PGS1: variants seen among roughly 807,000 people sequenced by gnomAD.
PGS1 encodes CDP-diacylglycerol--glycerol-3-phosphate 3-phosphatidyltransferase, mitochondrial.
Under a neutral mutation model 58.3 loss-of-function variants are expected in PGS1, and 44 were observed. That is an observed-to-expected ratio of 0.75 (90% confidence interval 0.59 to 0.97). The LOEUF (loss-of-function observed/expected upper bound fraction) is 0.97. PGS1 is among the 50% of genes least tolerant of loss of function. The pLI, the probability that PGS1 is intolerant of heterozygous loss-of-function variation, is 0.00. For synonymous variants in PGS1, 330 were observed against 311.0 expected (o/e 1.06, Z -0.64); for missense variants, 684 against 731.1 (o/e 0.94, Z 0.74).
At chr17:78,390,187 C>G (rs1010049324) in intron 1 of PGS1, among the ~76,000 whole-genome samples, 4 of 151,930 alleles carry the variant, frequency 2.6e-5, no homozygotes, top group African/African-American at 9.7e-5. Flanking sequence ...AAGGGTCCTT[C>G]GCTCTCCTCT....
chr17:78,412,305 G>A (rs150165842), intron 7 of PGS1, among the ~76,000 whole-genome samples: 5 of 152,236 alleles, frequency 3.3e-5, no homozygotes, highest in East Asian at 1.9e-4. Flanking sequence ...TAATTCTGGC[G>A]GGGAAGTTGT....
At chr17:78,386,261 G>T (rs1009192259) in intron 1 of PGS1, among the ~76,000 whole-genome samples, 1 of 152,148 alleles carries the variant, frequency 6.6e-6, no homozygotes, top group Non-Finnish European at 1.5e-5. Flanking sequence ...CATTTGTTTT[G>T]GTTGTTGCTG....
At chr17:78,384,891 G>A (rs1254759263) in intron 1 of PGS1, among the ~76,000 whole-genome samples, 1 of 152,240 alleles carries the variant, frequency 6.6e-6, no homozygotes, top group Non-Finnish European at 1.5e-5. Flanking sequence ...TAAAGGTGCA[G>A]TGTAGACCGC....
At chr17:78,405,050 T>C (rs1413250736) in intron 7 of PGS1, among the ~76,000 whole-genome samples, 3 of 151,798 alleles carry the variant, frequency 2.0e-5, no homozygotes, top group African/African-American at 7.3e-5. Flanking sequence ...CAGGCTGGAG[T>C]GCAGTGGCAC....
intron 7 of PGS1, among the ~76,000 whole-genome samples, 190 bp downstream of exon 7, chr17:78,404,279 A>ATT (rs34032688): frequency 1.9e-4 from 23 of 122,642 alleles, no homozygotes; most frequent in African/African-American, 4.7e-4. Context: ...CCTCAAGGGA[A>ATT]TTTTTTTTTT....
At chr17:78,396,142 T>C (rs750055712) in intron 2 of PGS1, among the ~76,000 whole-genome samples, 166 bp from the exon 3 acceptor site, 3 of 152,264 alleles carry the variant, frequency 2.0e-5, no homozygotes, top group Non-Finnish European at 2.9e-5. Flanking sequence ...GGGACCTTAT[T>C]TGGGAGGTTA....
chr17:78,400,702 A>G lies in PGS1; in HGVS notation c.727A>G (p.Thr243Ala). 1 of 1,613,466 alleles carries G rather than the reference A, an allele frequency of 6.2e-7. No homozygotes were observed. Among genetic ancestry groups the G allele is most frequent in the Non-Finnish European group, 8.5e-7 (1 of 1,179,842 alleles). ...SGANLSDSYF[T>A]NRQDRYVFLQ... The stretch of plus-strand genomic sequence containing the variant: ...TGCAAACCTGAGTGACTCCTACTTC[A>G]CCAACCGCCAGGACCGCTACGTGTT... Residue 243 changes from threonine to alanine, a missense_variant, in exon 6 of 10, where the codon ACC becomes GCC. Physicochemically the swap from Thr to Ala is moderately conservative, Grantham distance 58. Coordinates refer to ENST00000262764, the MANE Select transcript of PGS1 (RefSeq NM_024419.5). The surrounding 1 kb of genome is among the most constrained non-coding windows in gnomAD (Gnocchi z 4.4).
chr17:78,389,217 C>T (rs1182227027), intron 1 of PGS1, among the ~76,000 whole-genome samples: 6 of 150,952 alleles, frequency 4.0e-5, no homozygotes, highest in Admixed American at 2.0e-4. Flanking sequence ...GACGGAGTGT[C>T]GCTCTGTTGC....
chr17:78,412,944 AAG>A (rs1198250310), intron 7 of PGS1, among the ~76,000 whole-genome samples: 1 of 148,536 alleles, frequency 6.7e-6, no homozygotes, highest in African/African-American at 2.6e-5. Context: ...TGCTCTGGGG[AAG>A]AGGGGGTGGG....
intron 8 of PGS1, among the ~76,000 whole-genome samples, chr17:78,417,698 G>A (rs2085313924): frequency 6.6e-6 from 1 of 151,978 alleles, no homozygotes. Context: ...TGCTTCTGTG[G>A]TCATCACCTG....
chr17:78,384,290 C>T (rs957061219), intron 1 of PGS1, among the ~76,000 whole-genome samples: 2 of 152,106 alleles, frequency 1.3e-5, no homozygotes, highest in Admixed American at 6.6e-5. Context: ...TTCCCTTACT[C>T]GGGGTTAGGT....
At chr17:78,388,197 G>C (rs62075742) in intron 1 of PGS1, among the ~76,000 whole-genome samples, 27,938 of 152,172 alleles carry the variant, frequency 0.18, 3,455 homozygotes, top group African/African-American at 0.36. Flanking sequence ...TTCCCAGTGA[G>C]AGCTGCCTGG....
In PGS1 at chr17:78,414,992, A is replaced by T; in HGVS notation, c.1516A>T (p.Thr506Ser). 6.2e-7 allele frequency: 1 copy of T among 1,613,428 alleles called. No individual in the cohort carries two copies. Among genetic ancestry groups the T allele is most frequent in the Middle Eastern group, 1.8e-4 (1 of 5,480 alleles). The change falls in exon 8 of 10, where the codon ACG (threonine) becomes TCG (serine). Residue 506 changes from threonine (T) to serine (S), a missense_variant. By Grantham distance (58) the Thr-to-Ser change is moderately conservative. Coordinates refer to ENST00000262764, the MANE Select transcript of PGS1 (RefSeq NM_024419.5). ...CCTGGAGGCCCAGATTGCGATCGTGACGGAGAACCAGGCCCTGCAGCAGCA... is the reference window on the plus strand; with the variant it reads ...CCTGGAGGCCCAGATTGCGATCGTGTCGGAGAACCAGGCCCTGCAGCAGCA... ...RDLEAQIAIV[T>S]ENQALQQQLH...
Position 78,382,009 on chromosome 17 carries a change from G to A in PGS1, c.143+3201G>A, listed in dbSNP as rs187803094. The stretch of plus-strand genomic sequence containing the variant: ...GACCCATAAACAATTACAAGAAGTA[G>A]GTAGAAGGTCATGGCAGTACCTTGG... On this transcript the variant is annotated intron_variant, in intron 1 of 9. Transcript: ENST00000262764. Among the ~76,000 whole-genome samples, 15 of 152,286 alleles carry A rather than the reference G, an allele frequency of 9.8e-5. No homozygotes were observed. In the East Asian group the frequency reaches 2.7e-3, roughly 27 times the overall value.
intron 9 of PGS1, 61 bp downstream of exon 9, chr17:78,419,736 T>G (rs1306612379): frequency 3.7e-6 from 6 of 1,600,348 alleles, no homozygotes; most frequent in Non-Finnish European, 5.1e-6. Flanking sequence ...GTGGGGCAGG[T>G]GGTTGTTCTG....
At chr17:78,383,515 C>G (rs1024805599) in intron 1 of PGS1, among the ~76,000 whole-genome samples, 1 of 152,152 alleles carries the variant, frequency 6.6e-6, no homozygotes, top group South Asian at 2.1e-4. Flanking sequence ...GGTGAGCCAC[C>G]GTGCCCGGCC....
intron 9 of PGS1, among the ~76,000 whole-genome samples, chr17:78,422,356 A>ATTGT (rs1264929171): frequency 1.3e-5 from 2 of 152,086 alleles, no homozygotes; most frequent in Admixed American, 6.5e-5. Flanking sequence ...GGGCGCTAAG[A>ATTGT]TTGTTGTGAA....
At chr17:78,412,367 A>G (rs1307147310) in intron 7 of PGS1, among the ~76,000 whole-genome samples, 1 of 152,156 alleles carries the variant, frequency 6.6e-6, no homozygotes, top group Non-Finnish European at 1.5e-5. Flanking sequence ...AATCCTGAGC[A>G]CTCACCTGCT....
chr17:78,387,090 A>G (rs2082448900), intron 1 of PGS1, among the ~76,000 whole-genome samples: 2 of 152,206 alleles, frequency 1.3e-5, no homozygotes, highest in African/African-American at 4.8e-5. Context: ...TGCAACCTCC[A>G]TCTTCCAGGT....
Sources: gnomAD v4.1 joint callset for allele counts (sites outside exome capture counted in the v4.1 genomes callset) on GRCh38, gnomAD v4.1.1 for gene constraint, Gnocchi (gnomAD v3.1) non-coding constraint, MANE v1.5 for transcripts, NCBI Gene and HGNC (gene_info 2026-07-23, HGNC 2026-07-21) for gene names.